Variants in NRG1 observed in about 807,000 individuals in gnomAD.
NRG1 encodes the protein neuregulin 1, also known as pro-neuregulin-1, membrane-bound isoform.
NRG1 carries 18 observed loss-of-function variants against 63.8 expected under a neutral mutation model. That is an observed-to-expected ratio of 0.28 (90% CI 0.19 to 0.42). The LOEUF (loss-of-function observed/expected upper bound fraction) is 0.42. NRG1 is among the 10% of genes least tolerant of loss of function. NRG1 has a pLI of 1.00. For synonymous variants in NRG1, 302 were observed against 301.3 expected (o/e 1.00, Z -0.02); for missense variants, 762 against 814.7 (o/e 0.94, Z 0.79).
intron 1 of NRG1, among the ~76,000 whole-genome samples, chr8:32,036,939 C>T (rs1029756591): frequency 1.3e-5 from 2 of 152,174 alleles, no homozygotes; most frequent in African/African-American, 2.4e-5. Context: ...TCTGTCAATT[C>T]ATCCATCTCA....
intron 5 of NRG1, among the ~76,000 whole-genome samples, chr8:32,673,117 A>G (rs1806141700): frequency 6.6e-6 from 1 of 152,228 alleles, no homozygotes; most frequent in African/African-American, 2.4e-5. Context: ...GTTTGGTGTC[A>G]CACCACAAAG....
chr8:32,561,683 A>G (rs1205304230), intron 1 of NRG1, among the ~76,000 whole-genome samples: 9 of 152,200 alleles, frequency 5.9e-5, no homozygotes, highest in Admixed American at 2.6e-4. Flanking sequence ...TGCATCTGTG[A>G]GCCACTGACC....
intron 1 of NRG1, among the ~76,000 whole-genome samples, chr8:32,537,933 C>T (rs1192816215): frequency 1.3e-5 from 2 of 152,130 alleles, no homozygotes; most frequent in Non-Finnish European, 2.9e-5. Context: ...TTCACTGCAA[C>T]CTCCGCCTCC....
chr8:31,690,739 G>T (rs2131123883), intron 1 of NRG1, among the ~76,000 whole-genome samples: 1 of 152,286 alleles, frequency 6.6e-6, no homozygotes, highest in East Asian at 1.9e-4. Flanking sequence ...TGATTTCAAG[G>T]CTTATAGTTT....
intron 1 of NRG1, among the ~76,000 whole-genome samples, chr8:31,784,743 C>G (rs553475465): frequency 2.6e-5 from 4 of 152,118 alleles, no homozygotes; most frequent in Non-Finnish European, 5.9e-5. Context: ...GCTGAGGAAC[C>G]AAATGCCTCA....
intron 1 of NRG1, among the ~76,000 whole-genome samples, chr8:32,523,773 C>T (rs1389582291): frequency 6.6e-6 from 1 of 151,654 alleles, no homozygotes; most frequent in Non-Finnish European, 1.5e-5. Flanking sequence ...TCACTTGAAC[C>T]TAGGAGGCAG....
intron 1 of NRG1, among the ~76,000 whole-genome samples, chr8:31,822,959 G>C (rs2129603830): frequency 6.6e-6 from 1 of 152,144 alleles, no homozygotes; most frequent in African/African-American, 2.4e-5. Flanking sequence ...TATTAGCTCT[G>C]ACATTTTTTA....
chr8:32,611,758 G>A (rs1846398851), intron 3 of NRG1, among the ~76,000 whole-genome samples: 1 of 152,114 alleles, frequency 6.6e-6, no homozygotes, highest in East Asian at 1.9e-4. Context: ...TGACATATAA[G>A]TTTGGTAAAA....
At chr8:32,150,429 G>C (rs1837376557) in intron 1 of NRG1, among the ~76,000 whole-genome samples, 2 of 152,114 alleles carry the variant, frequency 1.3e-5, no homozygotes, top group African/African-American at 4.8e-5. Context: ...TAAGTCATGA[G>C]GGGTTCTCCA....
At chr8:32,442,565 A>G (rs548164250) in intron 1 of NRG1, 1 of 152,292 alleles carries the variant, frequency 6.6e-6, no homozygotes, top group African/African-American at 2.4e-5. Context: ...AGATATTCGA[A>G]AGTCCAGTTG....
chr8:32,763,599 T>A lies in NRG1; in HGVS notation c.1260-149T>A. On this transcript the variant is annotated intron_variant, in intron 11 of 11. Transcript: ENST00000356819. ...AATTTTCGATTCCAAGGGTGTGGAA[T>A]TTCCTAGCCTAAATAATTAAGCAGC... 3 of 1,060,522 alleles carry A rather than the reference T, an allele frequency of 2.8e-6. No individual in the cohort carries two copies. In the South Asian group the frequency reaches 5.3e-5, roughly 19 times the overall value. The allele number at this position is 1,060,522 out of a possible 1,614,324, so 65.7% of individuals were successfully genotyped here.
chr8:31,674,841 C>A (rs1807516849), intron 1 of NRG1, among the ~76,000 whole-genome samples: 1 of 152,214 alleles, frequency 6.6e-6, no homozygotes, highest in East Asian at 1.9e-4. Flanking sequence ...TTCATCTTTG[C>A]TTTCAGCATA....
intron 1 of NRG1, among the ~76,000 whole-genome samples, chr8:31,872,401 G>T (rs1449378591): frequency 6.6e-6 from 1 of 152,108 alleles, no homozygotes; most frequent in East Asian, 1.9e-4. Context: ...GCCTATGAAA[G>T]TCTGACAATT....
chr8:32,703,576 T>G (rs1815547848), intron 5 of NRG1, among the ~76,000 whole-genome samples: 1 of 151,922 alleles, frequency 6.6e-6, no homozygotes, highest in Non-Finnish European at 1.5e-5. Flanking sequence ...AGAAATGTAA[T>G]TCACTTTCTT....
At chr8:32,463,678 T>C (rs568342058) in intron 1 of NRG1, among the ~76,000 whole-genome samples, 2 of 151,782 alleles carry the variant, frequency 1.3e-5, no homozygotes, top group East Asian at 3.9e-4. Flanking sequence ...CTCATCTCTC[T>C]AAAAAATAAA....
intron 1 of NRG1, among the ~76,000 whole-genome samples, chr8:32,307,115 A>C (rs1856276026): frequency 6.6e-6 from 1 of 152,144 alleles, no homozygotes; most frequent in South Asian, 2.1e-4. Context: ...GCCCATGTGT[A>C]GTCAACTTCC....
At chr8:32,577,701 CTT>C (rs35395739) in intron 1 of NRG1, among the ~76,000 whole-genome samples, 1 of 148,154 alleles carries the variant, frequency 6.7e-6, no homozygotes. Flanking sequence ...AACCTTAACA[CTT>C]TTTTTTTTTG....
Position 31,677,739 on chromosome 8 carries a change from G to A in NRG1, c.37+38308G>A, listed in dbSNP as rs548795107. Among the ~76,000 whole-genome samples, 14 of 152,224 alleles carry A rather than the reference G, an allele frequency of 9.2e-5. No homozygotes were observed. In the South Asian group the frequency reaches 1.2e-3, roughly 14 times the overall value. ...TTTATGTAACTTTGACTACAAATTC[G>A]AAGTTGTCCTCAAATCCACTAGAAC... On this transcript the variant is annotated intron_variant, in intron 1 of 10. Coordinates refer to the NRG1 transcript ENST00000519301.
chr8:31,869,436 C>A (rs951437012), intron 1 of NRG1, among the ~76,000 whole-genome samples: 3 of 152,174 alleles, frequency 2.0e-5, no homozygotes, highest in Non-Finnish European at 4.4e-5. Flanking sequence ...CTGTAATTTC[C>A]CCACTAGCAT....
Sources: allele counts gnomAD v4.1 joint callset (sites outside exome capture counted in the v4.1 genomes callset), GRCh38; gene constraint gnomAD v4.1.1; transcripts MANE v1.5; gene names NCBI Gene and HGNC (gene_info 2026-07-23, HGNC 2026-07-21).